Variants in FAM83A observed in about 807,000 individuals in gnomAD.
The protein encoded by FAM83A is protein FAM83A.
FAM83A carries 21 observed loss-of-function variants against 24.4 expected under a neutral mutation model. The observed-to-expected ratio is 0.86, with a 90% CI of 0.61 to 1.24. The LOEUF (loss-of-function observed/expected upper bound fraction) is 1.24. Ranked by LOEUF, FAM83A falls within the 50% of genes most tolerant of loss-of-function variation. FAM83A has a pLI of 0.00. For missense variants in FAM83A, 617 were observed against 579.8 expected, an observed-to-expected ratio of 1.06 and a Z score of -0.66; for synonymous variants, 270 against 252.4, an observed-to-expected ratio of 1.07 and a Z score of -0.66.
rs945399553 is a variant in FAM83A at position 123,209,245 on chromosome 8, G to C, written c.*1557G>C. ...ACGAGAGCACAGAGCTCTTCCTCCT[G>C]GTGGCCTCTGACCCCTGACGGCCTG... On this transcript the variant is annotated 3_prime_UTR_variant, in exon 4 of 4. Coordinates refer to ENST00000690554, the Ensembl canonical transcript of FAM83A. This position sits in a 1 kb window ranked among gnomAD's most constrained non-coding sequence, Gnocchi z 4.7. 1.1e-4 allele frequency: 132 copies of C among 1,254,244 alleles called. No individual in the cohort carries two copies. The highest frequency in any genetic ancestry group is 1.3e-4 in the Non-Finnish European group (127 of 1,005,564). 77.7% of individuals were successfully genotyped at this position (1,254,244 alleles called of 1,614,324 possible).
chr8:123,195,692 T>C (rs1015724425), intron 3 of FAM83A, among the ~76,000 whole-genome samples: 1 of 152,104 alleles, frequency 6.6e-6, no homozygotes, highest in African/African-American at 2.4e-5. Context: ...TTCTGTCTCA[T>C]AGACTGCTGC....
At chr8:123,208,359 G>A (rs761449644) in exon 4 of FAM83A, 5 of 985,676 alleles carry the variant, frequency 5.1e-6, no homozygotes, top group Non-Finnish European at 6.0e-6. Context: ...TGTTGGGTTG[G>A]ACAAGGCAGG....
At chr8:123,207,300 C>T in exon 4 of FAM83A, 1 of 1,611,828 alleles carries the variant, frequency 6.2e-7, no homozygotes, top group Non-Finnish European at 8.5e-7. Context: ...CGGCTGGTCG[C>T]CCCCGTCCCG....
intron 2 of FAM83A, 33 bp downstream of exon 2, chr8:123,192,003 CAT>C (rs768933062): frequency 5.6e-6 from 9 of 1,608,530 alleles, no homozygotes; most frequent in Non-Finnish European, 7.7e-6. Flanking sequence ...TAAGGGTACT[CAT>C]ATTAGCCCAG....
intron 1 of FAM83A, among the ~76,000 whole-genome samples, chr8:123,186,270 C>G (rs922865502): frequency 2.0e-4 from 31 of 152,176 alleles, no homozygotes; most frequent in African/African-American, 7.2e-4. Flanking sequence ...TACACACCCC[C>G]CCACGTGCAG....
chr8:123,183,322 A>T (rs1823679574), exon 1 of FAM83A: 1 of 1,611,998 alleles, frequency 6.2e-7, no homozygotes, highest in Non-Finnish European at 8.5e-7. Flanking sequence ...CCGCTGCATC[A>T]CCCGGACTAG....
intron 3 of FAM83A, among the ~76,000 whole-genome samples, chr8:123,199,203 A>T (rs1232366762): frequency 6.6e-6 from 1 of 152,218 alleles, no homozygotes; most frequent in Non-Finnish European, 1.5e-5. Flanking sequence ...TCTGAGATGC[A>T]CTAAAAAAAG....
chr8:123,196,170 C>G (rs1190448126), intron 3 of FAM83A, among the ~76,000 whole-genome samples: 1 of 152,186 alleles, frequency 6.6e-6, no homozygotes, highest in African/African-American at 2.4e-5. Context: ...CGCCACCACG[C>G]TCGGCTAATT....
intron 3 of FAM83A, among the ~76,000 whole-genome samples, chr8:123,203,827 C>G (rs1228013326): frequency 6.6e-6 from 1 of 150,846 alleles, no homozygotes; most frequent in Non-Finnish European, 1.5e-5. Context: ...AATTAGCCAG[C>G]ATTGTTGTAA....
chr8:123,207,420 C>G, exon 4 of FAM83A: 1 of 1,610,118 alleles, frequency 6.2e-7, no homozygotes, highest in Non-Finnish European at 8.5e-7. Flanking sequence ...CACCCCGGTA[C>G]CCGAAGTGTG....
exon 4 of FAM83A, chr8:123,207,928 G>A (rs1824620691): frequency 2.4e-6 from 3 of 1,238,508 alleles, no homozygotes; most frequent in Admixed American, 4.1e-5. Context: ...GGGAGGTTGT[G>A]GGGCAGCTAG....
chr8:123,207,235 G>A (rs760692553), exon 4 of FAM83A: 57 of 1,612,596 alleles, frequency 3.5e-5, no homozygotes, highest in Admixed American at 1.0e-4. Context: ...TGTTTGACGA[G>A]GAGTTCCGCC....
At chr8:123,198,785 AGCGTGGTGGTGGC>A (rs1824247262) in intron 3 of FAM83A, among the ~76,000 whole-genome samples, 4 of 152,092 alleles carry the variant, frequency 2.6e-5, no homozygotes, top group African/African-American at 9.7e-5. Context: ...TCTTTTGCCT[AGCGTGGTGGTGGC>A]GTGATCTCGG....
At chr8:123,184,317 C>T (rs529058328) in intron 1 of FAM83A, among the ~76,000 whole-genome samples, 4 of 152,168 alleles carry the variant, frequency 2.6e-5, no homozygotes, top group South Asian at 4.2e-4. Context: ...CCAAATGTAA[C>T]GGGGCCACTC....
At chr8:123,182,746 G>A in exon 1 of FAM83A, 2 of 1,468,762 alleles carry the variant, frequency 1.4e-6, no homozygotes, top group Non-Finnish European at 9.2e-7. Context: ...GGAGCAGGCG[G>A]CCTCCCGGGG....
intron 1 of FAM83A, among the ~76,000 whole-genome samples, chr8:123,185,008 T>C (rs1003434208): frequency 6.6e-6 from 1 of 151,736 alleles, no homozygotes; most frequent in Admixed American, 6.6e-5. Flanking sequence ...GGGAGCAGAG[T>C]TCTGGAAAAT....
chr8:123,205,834 A>T (rs1368960201), intron 3 of FAM83A, among the ~76,000 whole-genome samples: 2 of 152,120 alleles, frequency 1.3e-5, no homozygotes, highest in African/African-American at 4.8e-5. Flanking sequence ...TCGGAAACAG[A>T]AAAGAGTTGG....
chr8:123,198,676 C>G lies in FAM83A; in HGVS notation c.773+4528C>G, dbSNP rs533132620. 1.8e-3 allele frequency among the ~76,000 whole-genome samples: 267 copies of G among 152,306 alleles called. 3 individuals are homozygous for G. Among genetic ancestry groups the G allele is most frequent in the Non-Finnish European group, 1.7e-3 (116 of 68,012 alleles). ...TCGAATCCTCAAATCCATATCATTT[C>G]ACTTTTAAACCAAACAATATCTCAT... On this transcript the variant is annotated intron_variant, in intron 3 of 3. Transcript: ENST00000690554.
In FAM83A at chr8:123,209,173, T is replaced by C. The variant is rs1824654680; in HGVS notation, c.*1485T>C. On this transcript the variant is annotated 3_prime_UTR_variant, in exon 4 of 4. Transcript: ENST00000690554. This position sits in a 1 kb window ranked among gnomAD's most constrained non-coding sequence, Gnocchi z 4.7. ...CTTCTCCTGTTTCTAGGCCCTCTCC[T>C]CCCTTGTCGGTTTTTGGCGGGGAAG... 2 of 1,123,466 alleles carry C rather than the reference T, an allele frequency of 1.8e-6. No homozygotes were observed. The highest frequency in any genetic ancestry group is 3.3e-5 in the African/African-American group (2 of 61,108). The allele number at this position is 1,123,466 out of a possible 1,614,324, so 69.6% of individuals were successfully genotyped here.
Sources: allele counts gnomAD v4.1 joint callset (sites outside exome capture counted in the v4.1 genomes callset), GRCh38; gene constraint gnomAD v4.1.1; non-coding constraint Gnocchi (gnomAD v3.1); transcripts MANE v1.5; gene names NCBI Gene and HGNC (gene_info 2026-07-23, HGNC 2026-07-21).